ZRANB3: variants seen among roughly 807,000 people sequenced by gnomAD.
The protein encoded by ZRANB3 is DNA annealing helicase and endonuclease ZRANB3.
In ZRANB3, 125 loss-of-function variants were observed where a neutral mutation model predicts 133.8. That is an observed-to-expected ratio of 0.93 (90% CI 0.81 to 1.08). ZRANB3 has a LOEUF of 1.08. ZRANB3 is among the 50% of genes least tolerant of loss of function. The pLI is 0.00. For missense variants in ZRANB3, 1,229 were observed against 1,275.5 expected (o/e 0.96, Z 0.56); for synonymous variants, 387 against 432.7 (o/e 0.89, Z 1.31).
chr2:135,257,465 T>C (rs149479845), intron 12 of ZRANB3, among the ~76,000 whole-genome samples: 1 of 152,334 alleles, frequency 6.6e-6, no homozygotes, highest in East Asian at 1.9e-4. Context: ...GATTGCTGGG[T>C]CATATGGTGA....
rs35106762 is a variant in ZRANB3 at position 135,383,170 on chromosome 2, C to CA, written c.180+7631dup. The stretch of plus-strand genomic sequence containing the variant: ...GAAGATCTACCAAGCAAATGGAAAA[C>CA]AAAAAAAAAGGCAGCAGTTGCAATC... On this transcript the variant is annotated intron_variant, in intron 3 of 20. Transcript: ENST00000264159. 4.5e-4 allele frequency among the ~76,000 whole-genome samples: 67 copies of CA among 148,842 alleles called. 1 individual carries two copies. The East Asian group carries it at 8.4e-3, about 19-fold the overall frequency.
At chr2:135,294,688 T>G (rs1208499249) in intron 8 of ZRANB3, among the ~76,000 whole-genome samples, 2 of 152,154 alleles carry the variant, frequency 1.3e-5, no homozygotes, top group Admixed American at 6.5e-5. Context: ...ATTGTGATGT[T>G]AGGGTGTCAA....
intron 8 of ZRANB3, among the ~76,000 whole-genome samples, chr2:135,283,630 A>G (rs923373702): frequency 4.7e-5 from 7 of 149,216 alleles, no homozygotes; most frequent in Non-Finnish European, 8.9e-5. Context: ...AAAAAAAAAA[A>G]CTGAATTCAA....
At chr2:135,341,951 A>G (rs1333199028) in intron 6 of ZRANB3, among the ~76,000 whole-genome samples, 1 of 149,994 alleles carries the variant, frequency 6.7e-6, no homozygotes, top group Non-Finnish European at 1.5e-5. Context: ...GAACTTAATC[A>G]GCAATTCTAG....
intron 6 of ZRANB3, among the ~76,000 whole-genome samples, chr2:135,322,121 T>C (rs908462186): frequency 1.3e-5 from 2 of 152,214 alleles, no homozygotes; most frequent in African/African-American, 4.8e-5. Context: ...AGAGCATGTA[T>C]TGAAAAGACT....
intron 2 of ZRANB3, among the ~76,000 whole-genome samples, chr2:135,480,802 C>T (rs1162957455): frequency 8.1e-6 from 1 of 123,394 alleles, no homozygotes; most frequent in Non-Finnish European, 1.6e-5. Flanking sequence ...GTGTGATATT[C>T]CCCTTCCTGT....
chr2:135,237,422 C>T (rs569619736), intron 12 of ZRANB3, among the ~76,000 whole-genome samples: 5 of 152,102 alleles, frequency 3.3e-5, no homozygotes, highest in African/African-American at 1.2e-4. Context: ...ACTATTTGAC[C>T]CAGCCATCCC....
At chr2:135,290,598 C>T (rs1174162074) in intron 8 of ZRANB3, among the ~76,000 whole-genome samples, 1 of 152,188 alleles carries the variant, frequency 6.6e-6, no homozygotes, top group African/African-American at 2.4e-5. Context: ...TTACAGTCAA[C>T]GTCAGTATTG....
chr2:135,242,222 C>T (rs973415658), intron 12 of ZRANB3, among the ~76,000 whole-genome samples: 6 of 151,330 alleles, frequency 4.0e-5, no homozygotes, highest in East Asian at 1.9e-4. Flanking sequence ...TATCAGAGAA[C>T]AATCATGGAC....
At chr2:135,466,548 C>T (rs1177200250) in intron 2 of ZRANB3, among the ~76,000 whole-genome samples, 2 of 152,064 alleles carry the variant, frequency 1.3e-5, no homozygotes, top group Admixed American at 6.5e-5. Context: ...GAGTTCTGAA[C>T]TTGCCACTAA....
intron 2 of ZRANB3, among the ~76,000 whole-genome samples, chr2:135,491,346 AAATT>A (rs997970791): frequency 6.6e-6 from 1 of 152,214 alleles, no homozygotes; most frequent in African/African-American, 2.4e-5. Flanking sequence ...GTATTTTTTT[AAATT>A]AATTTATTTT....
chr2:135,315,609 T>TATCA, intron 6 of ZRANB3, 79 bp from the exon 7 acceptor site: 3 of 1,060,864 alleles, frequency 2.8e-6, no homozygotes, highest in South Asian at 4.9e-5. Flanking sequence ...TGCTCTTCCT[T>TATCA]TTAATGATAA....
intron 6 of ZRANB3, among the ~76,000 whole-genome samples, chr2:135,328,599 A>T (rs1683967009): frequency 6.6e-6 from 1 of 152,144 alleles, no homozygotes; most frequent in Non-Finnish European, 1.5e-5. Context: ...CACTGGGTCA[A>T]ATGGTATTTC....
At chr2:135,314,060 C>T (rs1382630341) in intron 7 of ZRANB3, among the ~76,000 whole-genome samples, 1 of 152,172 alleles carries the variant, frequency 6.6e-6, no homozygotes, top group Non-Finnish European at 1.5e-5. Context: ...GACAGGGTTT[C>T]TCCATATTGG....
intron 5 of ZRANB3, among the ~76,000 whole-genome samples, chr2:135,346,871 C>A (rs1200996819): frequency 6.6e-6 from 1 of 152,184 alleles, no homozygotes; most frequent in Non-Finnish European, 1.5e-5. Context: ...AGTTGTGCAT[C>A]AATCATGACT....
chr2:135,514,293 T>A (rs1425543195), intron 1 of ZRANB3, among the ~76,000 whole-genome samples: 1 of 152,226 alleles, frequency 6.6e-6, no homozygotes, highest in Non-Finnish European at 1.5e-5. Context: ...TTTTTCCATT[T>A]GATTGTGCCC....
intron 7 of ZRANB3, 62 bp downstream of exon 7, chr2:135,315,297 T>A: frequency 3.0e-6 from 4 of 1,331,088 alleles, no homozygotes; most frequent in Non-Finnish European, 3.9e-6. Flanking sequence ...ATACGTATAA[T>A]CTTTAATAGT....
At chr2:135,324,423 A>T (rs1413521996) in intron 6 of ZRANB3, among the ~76,000 whole-genome samples, 1 of 152,086 alleles carries the variant, frequency 6.6e-6, no homozygotes, top group African/African-American at 2.4e-5. Flanking sequence ...ATCATTTTTT[A>T]TGGCTGCACA....
chr2:135,455,953 G>T (rs1482716035), intron 2 of ZRANB3, among the ~76,000 whole-genome samples: 1 of 151,946 alleles, frequency 6.6e-6, no homozygotes, highest in Non-Finnish European at 1.5e-5. Flanking sequence ...TATTGTTTAT[G>T]GATAAAATAT....
Sources: allele counts gnomAD v4.1 joint callset (sites outside exome capture counted in the v4.1 genomes callset), GRCh38; gene constraint gnomAD v4.1.1; transcripts MANE v1.5; gene names NCBI Gene and HGNC (gene_info 2026-07-23, HGNC 2026-07-21).